KRTCAP2: variants seen among roughly 807,000 people sequenced by gnomAD.
KRTCAP2 encodes the protein keratinocyte associated protein 2, also known as dolichyl-diphosphooligosaccharide--protein glycosyltransferase subunit KCP2.
Under a neutral mutation model 16.5 loss-of-function variants are expected in KRTCAP2, and 10 were observed. The observed-to-expected ratio is 0.60, with a 90% confidence interval of 0.37 to 1.02. The LOEUF is 1.02. Ranked by LOEUF, KRTCAP2 falls within the 50% of genes least tolerant of loss-of-function variation. The pLI is 0.01. For synonymous variants in KRTCAP2, 68 were observed against 69.8 expected, an observed-to-expected ratio of 0.97 and a Z score of 0.13; for missense variants, 152 against 159.6, an observed-to-expected ratio of 0.95 and a Z score of 0.26.
rs1212719289 is a variant in KRTCAP2, at chr1:155,172,599, A to G, written c.189T>C (p.Phe63=). ...AGATCTTTGCTTGGAATCCTTTGCC[A>G]AAGACAAGATTCTCCAGATTATTGA... ...TAFNNLENLV[F]GKGFQAKIFP... is the part of the protein sequence containing the mutation. Residue 63 remains phenylalanine, a synonymous_variant, in exon 3 of 5, where the codon TTT becomes TTC. Coordinates refer to ENST00000295682, the MANE Select transcript of KRTCAP2 (RefSeq NM_173852.4). 6.2e-7 allele frequency: 1 copy of G among 1,614,140 alleles called. No individual in the cohort carries two copies. The highest frequency in any genetic ancestry group is 8.5e-7 in the Non-Finnish European group (1 of 1,180,056).
intron 3 of KRTCAP2, chr1:155,172,287 C>G: frequency 7.7e-7 from 1 of 1,299,842 alleles, no homozygotes; most frequent in South Asian, 1.6e-5. Flanking sequence ...CGAATAGATG[C>G]AAAACATCAG....
At chr1:155,172,922 T>A in intron 1 of KRTCAP2, 30 bp from the exon 2 acceptor site, 14 of 1,609,076 alleles carry the variant, frequency 8.7e-6, no homozygotes, top group Non-Finnish European at 1.0e-5. Flanking sequence ...GGACGGAGAG[T>A]CAGGCTCCGC....
intron 3 of KRTCAP2, chr1:155,172,227 T>C (rs1318009536): frequency 1.8e-5 from 21 of 1,184,902 alleles, no homozygotes; most frequent in Non-Finnish European, 2.1e-5. Flanking sequence ...AACTCCATAG[T>C]GAACTTGGTC....
intron 3 of KRTCAP2, 182 bp downstream of exon 3, chr1:155,172,383 C>T: frequency 6.9e-7 from 1 of 1,442,252 alleles, no homozygotes; most frequent in Non-Finnish European, 9.1e-7. Flanking sequence ...CCTTCTCTTC[C>T]AGCTCCAACT....
chr1:155,172,523 A>G, intron 3 of KRTCAP2, 42 bp downstream of exon 3: 1 of 1,614,224 alleles, frequency 6.2e-7, no homozygotes, highest in South Asian at 1.1e-5. Flanking sequence ...AGGAGGTTAA[A>G]GAGGAGAAAG....
intron 3 of KRTCAP2, 107 bp downstream of exon 3, chr1:155,172,458 T>C (rs1665286375): frequency 8.2e-6 from 13 of 1,587,236 alleles, no homozygotes; most frequent in Middle Eastern, 1.7e-4. Context: ...TCAGTAAATA[T>C]ATTTCTCCTT....
At chr1:155,173,077 C>T in intron 1 of KRTCAP2, 144 bp downstream of exon 1, 1 of 949,170 alleles carries the variant, frequency 1.1e-6, no homozygotes, top group Non-Finnish European at 1.6e-6. Flanking sequence ...CCCCGGACAC[C>T]CCGAACCCTC....
chr1:155,172,744 C>G lies in KRTCAP2; in HGVS notation c.153G>C (p.Ser51=). 1 of 1,614,120 alleles carries G rather than the reference C, an allele frequency of 6.2e-7. No homozygotes were observed. Among genetic ancestry groups the G allele is most frequent in the Non-Finnish European group, 8.5e-7 (1 of 1,180,022 alleles). Reference sequence around the variant, plus strand: ...CCAACTGCAGGGAGGATACAGTGAGCGAGAACACGAAGAGACCCGAACCAA... The same window carrying G: ...CCAACTGCAGGGAGGATACAGTGAGGGAGAACACGAAGAGACCCGAACCAA... ...GLLGSGLFVF[S]LTAFNNLENL... The change falls in exon 2 of 5, where the codon TCG becomes TCC. Residue 51 remains serine, a synonymous_variant. Transcript: ENST00000295682.
chr1:155,169,711 A>T, intron 4 of KRTCAP2, 80 bp downstream of exon 4: 1 of 1,397,248 alleles, frequency 7.2e-7, no homozygotes, highest in Non-Finnish European at 1.0e-6. Flanking sequence ...TGTGGAAGGA[A>T]AAACTCTGGC....
Position 155,172,582 on chromosome 1 carries a change from G to C in KRTCAP2, c.206C>G (p.Ala69Gly), listed in dbSNP as rs200041628. The change falls in exon 3 of 5, where the codon GCA becomes GGA. Residue 69 changes from alanine to glycine, a missense_variant. Transcript: ENST00000295682. ...TCACTTACTCTCAGGGAAGATCTTT[G>C]CTTGGAATCCTTTGCCAAAGACAAG... ...ENLVFGKGFQ[A>G]KIFPEILLCL... is the part of the protein sequence containing the mutation. 1 of 1,614,224 alleles carries C rather than the reference G, an allele frequency of 6.2e-7. No homozygotes were observed.
chr1:155,171,551 T>C lies in KRTCAP2; in HGVS notation c.223+1014A>G, dbSNP rs1665244894. The stretch of plus-strand genomic sequence containing the variant: ...AGGGCTATGCGGAGAAAGCAAGTCC[T>C]AGAGGGGGGCAAAGAAATGAGGGCA... On this transcript the variant is annotated intron_variant, in intron 3 of 4. Coordinates refer to ENST00000295682, the MANE Select transcript of KRTCAP2 (RefSeq NM_173852.4). 4.1e-6 allele frequency: 4 copies of C among 984,686 alleles called. No homozygotes were observed. In the South Asian group the frequency reaches 1.4e-4, roughly 35 times the overall value. The allele number at this position is 984,686 out of a possible 1,614,324, so 61.0% of individuals were successfully genotyped here.
chr1:155,170,321 C>G (rs1266786873), intron 3 of KRTCAP2: 1 of 119,436 alleles, frequency 8.4e-6, no homozygotes, highest in Non-Finnish European at 1.6e-5. Flanking sequence ...GCCTGGGCAA[C>G]AGAGTGAGAC....
At chr1:155,169,735 G>C (rs1436996183) in intron 4 of KRTCAP2, 56 bp downstream of exon 4, 8 of 1,459,570 alleles carry the variant, frequency 5.5e-6, no homozygotes, top group Non-Finnish European at 7.6e-6. Flanking sequence ...ATCACAGTAA[G>C]ATCCAATGCC....
chr1:155,170,133 C>A (rs976431632), intron 3 of KRTCAP2: 22 of 273,326 alleles, frequency 8.0e-5, no homozygotes, highest in Admixed American at 3.0e-4. Context: ...CCAGCCTGAA[C>A]AACAAAGTGA....
chr1:155,171,370 G>A, intron 3 of KRTCAP2: 1 of 818,862 alleles, frequency 1.2e-6, no homozygotes, highest in Non-Finnish European at 1.5e-6. Context: ...AGTGAGCTGG[G>A]TTCACACCAC....
chr1:155,173,295 A>T lies in KRTCAP2; in HGVS notation c.-71T>A. The T allele has an allele frequency of 6.2e-7, 1 of 1,613,702 alleles. No individual in the cohort carries two copies. ...CGAGCTGAACCGGGTGCGGTTAGCT[A>T]TGCGCATGCGTCAGCGCTTACCGCG... On this transcript the variant is annotated 5_prime_UTR_variant, in exon 1 of 5. Transcript: ENST00000295682.
intron 3 of KRTCAP2, 60 bp from the exon 4 acceptor site, chr1:155,169,917 A>C: frequency 3.5e-6 from 4 of 1,138,246 alleles, no homozygotes; most frequent in Non-Finnish European, 5.2e-6. Flanking sequence ...AGGCATCTGC[A>C]CATGGAGTCC....
chr1:155,169,996 G>A (rs1302997283), intron 3 of KRTCAP2, 139 bp from the exon 4 acceptor site: 2 of 613,600 alleles, frequency 3.3e-6, no homozygotes, highest in Admixed American at 2.7e-5. Context: ...TACAGCAGGA[G>A]GATTCTGATT....
rs2147765827 is a variant in KRTCAP2, at chr1:155,169,529, T to C, written c.322A>G (p.Ile108Val). 6.8e-6 allele frequency: 11 copies of C among 1,614,164 alleles called. No homozygotes were observed. The highest frequency in any genetic ancestry group is 9.3e-6 in the Non-Finnish European group (11 of 1,179,994). ...FIFSMVGLYY[I>V]NKISSTLYQA... The stretch of plus-strand genomic sequence containing the variant: ...TACAGGGTGGAGGAGATCTTGTTGA[T>C]GTAGTACAGACCAACCATGGAGAAG... Residue 108 changes from isoleucine (I) to valine (V), a missense_variant, in exon 5 of 5, where the codon ATC (isoleucine) becomes GTC (valine). Transcript: ENST00000295682.
Sources: allele counts gnomAD v4.1 joint callset, GRCh38; gene constraint gnomAD v4.1.1; transcripts MANE v1.5; gene names NCBI Gene and HGNC (gene_info 2026-07-23, HGNC 2026-07-21).